ERC2: variants seen among roughly 807,000 people sequenced by gnomAD.
ERC2 encodes ERC protein 2.
ERC2 carries 42 observed loss-of-function variants against 114.8 expected under a neutral mutation model. The ratio of observed to expected loss-of-function variants is 0.37; its 90% CI spans 0.29 to 0.47. ERC2 has a LOEUF of 0.47. Ranked by LOEUF, ERC2 falls within the 20% of genes least tolerant of loss-of-function variation. The pLI is 0.99. For synonymous variants in ERC2, 454 were observed against 425.5 expected (o/e 1.07, Z -0.82); for missense variants, 939 against 1,150.7 (o/e 0.82, Z 2.66).
At chr3:55,584,444 C>A (rs2057490690) in intron 17 of ERC2, among the ~76,000 whole-genome samples, 1 of 152,074 alleles carries the variant, frequency 6.6e-6, no homozygotes, top group Admixed American at 6.5e-5. Flanking sequence ...GGGCTCAGTT[C>A]CTTCCTCTAC....
At chr3:56,451,845 C>T (rs1218749693) in intron 1 of ERC2, among the ~76,000 whole-genome samples, 1 of 152,200 alleles carries the variant, frequency 6.6e-6, no homozygotes, top group Non-Finnish European at 1.5e-5. Context: ...CCTCTTTACT[C>T]AGGTTCACAT....
At chr3:56,126,578 A>C (rs189850074) in intron 6 of ERC2, among the ~76,000 whole-genome samples, 7 of 152,084 alleles carry the variant, frequency 4.6e-5, no homozygotes, top group Non-Finnish European at 7.3e-5. Flanking sequence ...GCAATACAGC[A>C]AGACCTCATT....
chr3:55,901,919 T>G (rs2064156677), intron 13 of ERC2, among the ~76,000 whole-genome samples: 1 of 152,222 alleles, frequency 6.6e-6, no homozygotes, highest in African/African-American at 2.4e-5. Context: ...ACCGACTGAA[T>G]CAGGATATGA....
Position 56,019,007 on chromosome 3 carries a change from T to G in ERC2, c.1666A>C (p.Arg556=), listed in dbSNP as rs773835475. Residue 556 remains arginine (R), a synonymous_variant, in exon 8 of 18, where the codon AGG becomes CGG. Coordinates refer to ENST00000288221, the MANE Select transcript of ERC2 (RefSeq NM_015576.3). Reference sequence around the variant, plus strand: ...TTGGTCAGTTGCTTGTCTTTATCCCTAAGTTGTTCTTGCAAGTTTTCAATC... The same window carrying G: ...TTGGTCAGTTGCTTGTCTTTATCCCGAAGTTGTTCTTGCAAGTTTTCAATC... ...KKIENLQEQL[R]DKDKQLTNLK... is the part of the protein sequence containing the mutation. 9 of 1,611,696 alleles carry G rather than the reference T, an allele frequency of 5.6e-6. No individual in the cohort carries two copies. Among genetic ancestry groups the G allele is most frequent in the Admixed American group, 1.7e-5 (1 of 59,702 alleles).
At position 56,337,210 on chromosome 3, in the gene ERC2, G is replaced by A. The variant is rs188657709; in HGVS notation, c.658-40775C>T. ...CTATGTTTCTTCCTTCTGGAAAACCGGATCTTCTTTAAAGGAATGACTGCC... is the reference window on the plus strand; with the variant it reads ...CTATGTTTCTTCCTTCTGGAAAACCAGATCTTCTTTAAAGGAATGACTGCC... On this transcript the variant is annotated intron_variant, in intron 2 of 17. Transcript: ENST00000288221. Among the ~76,000 whole-genome samples the A allele has an allele frequency of 4.6e-5, 7 of 152,258 alleles. No homozygotes were observed. In the East Asian group the frequency reaches 7.7e-4, roughly 17 times the overall value.
chr3:56,094,631 G>T (rs545246957), intron 6 of ERC2, among the ~76,000 whole-genome samples: 3 of 152,210 alleles, frequency 2.0e-5, no homozygotes, highest in Non-Finnish European at 2.9e-5. Context: ...CATGTCAGGA[G>T]GTGAATGATC....
chr3:55,824,048 T>G lies in ERC2; in HGVS notation c.2564+64341A>C, dbSNP rs115581545. On this transcript the variant is annotated intron_variant, in intron 14 of 17. Coordinates refer to ENST00000288221, the MANE Select transcript of ERC2 (RefSeq NM_015576.3). The stretch of plus-strand genomic sequence containing the variant: ...TCTTTTCTCTGTGCACATGTAACCC[T>G]GCTACCTCTATGCATGTCCCATTTT... Among the ~76,000 whole-genome samples the G allele has an allele frequency of 7.5e-3, 1,140 of 152,330 alleles. 10 individuals are homozygous for G. Among genetic ancestry groups the G allele is most frequent in the African/African-American group, 0.026 (1,084 of 41,582 alleles).
intron 11 of ERC2, among the ~76,000 whole-genome samples, chr3:55,987,154 G>A (rs771999655): frequency 2.0e-5 from 3 of 152,144 alleles, no homozygotes; most frequent in Non-Finnish European, 4.4e-5. Flanking sequence ...ATAATCCCTT[G>A]TATCTGAAAT....
chr3:56,290,061 T>C (rs2054983036), intron 3 of ERC2, among the ~76,000 whole-genome samples: 1 of 152,194 alleles, frequency 6.6e-6, no homozygotes, highest in Non-Finnish European at 1.5e-5. Context: ...TTGCCACTGA[T>C]ACTCCCACAG....
intron 6 of ERC2, among the ~76,000 whole-genome samples, chr3:56,101,470 T>C (rs13326628): frequency 0.17 from 26,075 of 152,078 alleles, 2,440 homozygotes; most frequent in African/African-American, 0.23. Context: ...CTGCTCTTTA[T>C]TGAATGCCAG....
At chr3:55,762,168 G>A (rs2067488445) in intron 14 of ERC2, among the ~76,000 whole-genome samples, 1 of 152,092 alleles carries the variant, frequency 6.6e-6, no homozygotes, top group Non-Finnish European at 1.5e-5. Context: ...ACGAAGATAG[G>A]AGTTGGCCCA....
chr3:55,740,530 T>C (rs2065912050), intron 14 of ERC2, among the ~76,000 whole-genome samples: 2 of 152,258 alleles, frequency 1.3e-5, no homozygotes, highest in South Asian at 4.1e-4. Flanking sequence ...AGATCTACAT[T>C]CAATAATTCT....
At chr3:55,829,894 T>A (rs1414649697) in intron 14 of ERC2, among the ~76,000 whole-genome samples, 1 of 152,036 alleles carries the variant, frequency 6.6e-6, no homozygotes, top group Non-Finnish European at 1.5e-5. Context: ...AAAAAATATT[T>A]GAAGAAAAAA....
chr3:56,196,427 T>A (rs1217571517), intron 3 of ERC2, among the ~76,000 whole-genome samples: 2 of 151,850 alleles, frequency 1.3e-5, no homozygotes, highest in Non-Finnish European at 2.9e-5. Context: ...GGCAATGGTA[T>A]CCACAGTCAA....
At chr3:55,593,506 A>T (rs2107613811) in intron 17 of ERC2, among the ~76,000 whole-genome samples, 2 of 152,242 alleles carry the variant, frequency 1.3e-5, no homozygotes, top group Middle Eastern at 3.4e-3. Context: ...CTTCTTGTTA[A>T]ACTCTCTCCC....
At chr3:55,511,438 C>T (rs1432289084) in intron 17 of ERC2, among the ~76,000 whole-genome samples, 162 bp from the exon 18 acceptor site, 3 of 152,092 alleles carry the variant, frequency 2.0e-5, no homozygotes, top group Non-Finnish European at 4.4e-5. Flanking sequence ...GGGGAAGAAA[C>T]ACAGAGGAAG....
chr3:56,158,451 C>A (rs1300358878), intron 4 of ERC2, among the ~76,000 whole-genome samples: 1 of 152,130 alleles, frequency 6.6e-6, no homozygotes, highest in East Asian at 1.9e-4. Flanking sequence ...GTGGTCCTTG[C>A]TCAAAGGCAC....
intron 2 of ERC2, among the ~76,000 whole-genome samples, chr3:56,314,274 TA>T (rs1170968868): frequency 6.6e-6 from 1 of 152,150 alleles, no homozygotes; most frequent in East Asian, 1.9e-4. Flanking sequence ...TTATTTTCGC[TA>T]AACCTCAGTT....
chr3:55,909,934 G>A (rs925487827), intron 13 of ERC2, among the ~76,000 whole-genome samples: 15 of 152,126 alleles, frequency 9.9e-5, no homozygotes, highest in African/African-American at 3.6e-4. Context: ...TTTATATTGA[G>A]AAGGCCTCAT....
Sources: allele counts gnomAD v4.1 joint callset (sites outside exome capture counted in the v4.1 genomes callset), GRCh38; gene constraint gnomAD v4.1.1; transcripts MANE v1.5; gene names NCBI Gene and HGNC (gene_info 2026-07-23, HGNC 2026-07-21).